DYNC2H1: variants seen among roughly 807,000 people sequenced by gnomAD.
The protein encoded by DYNC2H1 is dynein cytoplasmic 2 heavy chain 1.
Under a neutral mutation model 570.0 loss-of-function variants are expected in DYNC2H1, and 410 were observed. The observed-to-expected ratio is 0.72, with a 90% CI of 0.66 to 0.78. The LOEUF (loss-of-function observed/expected upper bound fraction) is 0.78, where lower values mean the gene tolerates loss of function less well. DYNC2H1 is among the 30% of genes least tolerant of loss of function. The pLI, the probability that DYNC2H1 is intolerant of heterozygous loss-of-function variation, is 0.00. For synonymous variants in DYNC2H1, 1,688 were observed against 1,677.6 expected (o/e 1.01, Z -0.15); for missense variants, 4,865 against 5,046.4 (o/e 0.96, Z 1.09).
At chr11:103,167,784 A>G (rs1033342866) in intron 31 of DYNC2H1, among the ~76,000 whole-genome samples, 2 of 152,134 alleles carry the variant, frequency 1.3e-5, no homozygotes, top group African/African-American at 4.8e-5. Context: ...TTGTTTTAGT[A>G]ACTGATCCTG....
chr11:103,125,119 A>G lies in DYNC2H1; in HGVS notation c.1681A>G (p.Ile561Val), dbSNP rs1489786604. 5.6e-6 allele frequency: 9 copies of G among 1,612,976 alleles called. No homozygotes were observed. Among genetic ancestry groups the G allele is most frequent in the Non-Finnish European group, 7.6e-6 (9 of 1,179,446 alleles). The change falls in exon 12 of 89, where the codon ATT (isoleucine) becomes GTT (valine). Residue 561 changes from isoleucine (I) to valine (V), a missense_variant. By Grantham distance (29) the Ile-to-Val change is conservative. Coordinates refer to ENST00000375735, the MANE Select transcript of DYNC2H1 (RefSeq NM_001377.3). ...SGLCIEASSR[I>V]MELDSNDGLL... The stretch of plus-strand genomic sequence containing the variant: ...TTATAGTATTGAGGCTAGTAGTCGA[A>G]TTATGGAATTGGATTCTAATGATGG...
rs144202990 is a variant in DYNC2H1 at position 103,244,788 on chromosome 11, ATATC to A, written c.9919-459_9919-456del. ...TTACAGTTATATACATATAAGTACT[ATATC>A]TATATATAGTCATAGTTATAGACAT... On this transcript the variant is annotated intron_variant, in intron 64 of 88. Transcript: ENST00000375735. This position sits in a 1 kb window ranked among gnomAD's most constrained non-coding sequence, Gnocchi z 4.3. Among the ~76,000 whole-genome samples, 3,398 of 149,262 alleles carry A rather than the reference ATATC, an allele frequency of 0.023. 113 individuals are homozygous for A. The highest frequency in any genetic ancestry group is 0.077 in the African/African-American group (3,151 of 40,938).
chr11:103,386,498 C>CT (rs528792784), intron 83 of DYNC2H1, among the ~76,000 whole-genome samples: 274 of 151,584 alleles, frequency 1.8e-3, no homozygotes, highest in African/African-American at 6.2e-3. Context: ...TATTGGCTTT[C>CT]TTTTTTTTAT....
chr11:103,463,017 G>T (rs61904818), intron 87 of DYNC2H1, among the ~76,000 whole-genome samples: 24,823 of 152,104 alleles, frequency 0.16, 2,189 homozygotes, highest in Admixed American at 0.25. Flanking sequence ...ATGGTGATTC[G>T]TTCTCAAAAA....
intron 13 of DYNC2H1, among the ~76,000 whole-genome samples, chr11:103,132,516 A>G (rs1456118623): frequency 6.6e-6 from 1 of 151,590 alleles, no homozygotes; most frequent in East Asian, 1.9e-4. Context: ...TCAAGTTGTG[A>G]TTTTTTTTAG....
chr11:103,380,792 G>A (rs2135578056), intron 83 of DYNC2H1, among the ~76,000 whole-genome samples: 1 of 152,198 alleles, frequency 6.6e-6, no homozygotes, highest in South Asian at 2.1e-4. Flanking sequence ...AAACTCCTGA[G>A]CTCAGGCGAT....
intron 50 of DYNC2H1, among the ~76,000 whole-genome samples, chr11:103,202,642 C>A (rs115606429): frequency 6.6e-6 from 1 of 151,876 alleles, no homozygotes; most frequent in East Asian, 1.9e-4. Flanking sequence ...TGGTCTGGTG[C>A]CTCTTAGTTG....
Position 103,319,485 on chromosome 11 carries a change from G to A in DYNC2H1, c.11726-1544G>A, listed in dbSNP as rs1309101967. On this transcript the variant is annotated intron_variant, in intron 80 of 88. Transcript: ENST00000375735. The surrounding 1 kb of genome is among the most constrained non-coding windows in gnomAD (Gnocchi z 4.3). ...TAGTAGACACTATCTCAGTTTATTC[G>A]AATATCCAGAAGTTTAAATTACAAA... Among the ~76,000 whole-genome samples, 11 of 151,950 alleles carry A rather than the reference G, an allele frequency of 7.2e-5. No individual in the cohort carries two copies. The highest frequency in any genetic ancestry group is 1.9e-4 in the African/African-American group (8 of 41,372).
chr11:103,283,205 C>G (rs1201722922), intron 73 of DYNC2H1, 120 bp downstream of exon 73: 13 of 668,946 alleles, frequency 1.9e-5, no homozygotes, highest in Non-Finnish European at 2.8e-5. Context: ...TGTAAGTTCC[C>G]CCAGTAAAAA....
intron 84 of DYNC2H1, chr11:103,407,087 C>G (rs7935069): frequency 0.67 from 101,047 of 151,214 alleles, 35,514 homozygotes; most frequent in African/African-American, 0.91. Context: ...TCTCCAGGGC[C>G]GGGATTTATT....
chr11:103,316,495 A>T, intron 79 of DYNC2H1, 50 bp from the exon 80 acceptor site: 1 of 1,281,330 alleles, frequency 7.8e-7, no homozygotes, highest in Non-Finnish European at 1.1e-6. Flanking sequence ...ATACATATAT[A>T]TCTTTGACTA....
rs2134944386 is a variant in DYNC2H1 at position 103,165,955 on chromosome 11, G to A, written c.4669G>A (p.Asp1557Asn). The change falls in exon 31 of 89, where the codon GAT becomes AAT. Residue 1557 changes from aspartate to asparagine, a missense_variant. By Grantham distance (23) the Asp-to-Asn change is conservative. Transcript: ENST00000375735. ...FTEDVENAIK[D>N]HSLHQIETQL... The stretch of plus-strand genomic sequence containing the variant: ...TGAAGATGTAGAAAATGCTATTAAA[G>A]ATCATAGTCTTCATCAGATTGAAAC... The A allele has an allele frequency of 6.6e-7, 1 of 1,515,540 alleles. No homozygotes were observed. The highest frequency in any genetic ancestry group is 2.1e-5 in the Admixed American group (1 of 46,910). The allele number at this position is 1,515,540 out of a possible 1,614,324, so 93.9% of individuals were successfully genotyped here.
intron 1 of DYNC2H1, 59 bp from the exon 2 acceptor site, chr11:103,113,478 C>G: frequency 7.4e-7 from 1 of 1,352,022 alleles, no homozygotes; most frequent in Non-Finnish European, 9.8e-7. Flanking sequence ...ACTTTGTCTA[C>G]ATTTTTTTCA....
intron 78 of DYNC2H1, among the ~76,000 whole-genome samples, chr11:103,308,407 A>C (rs1867404121): frequency 6.6e-6 from 1 of 152,194 alleles, no homozygotes; most frequent in South Asian, 2.1e-4. Flanking sequence ...TTAATCCATC[A>C]GTGGACATTT....
At chr11:103,389,964 G>T (rs1310914484) in intron 83 of DYNC2H1, among the ~76,000 whole-genome samples, 1 of 152,214 alleles carries the variant, frequency 6.6e-6, no homozygotes, top group Non-Finnish European at 1.5e-5. Flanking sequence ...TGAGAAGAAT[G>T]TATATTCTGT....
intron 59 of DYNC2H1, among the ~76,000 whole-genome samples, chr11:103,225,655 C>T (rs1343653301): frequency 6.6e-6 from 1 of 152,042 alleles, no homozygotes; most frequent in Admixed American, 6.6e-5. Flanking sequence ...GTGACTGTGG[C>T]CTTATAGTAT....
chr11:103,140,224 A>G (rs889333141), intron 17 of DYNC2H1, among the ~76,000 whole-genome samples: 6 of 152,216 alleles, frequency 3.9e-5, no homozygotes, highest in African/African-American at 1.4e-4. Context: ...TAAAGTTAAT[A>G]TTGTTATGTG....
At chr11:103,312,398 AAAAAG>A (rs1867634587) in intron 79 of DYNC2H1, among the ~76,000 whole-genome samples, 1 of 150,224 alleles carries the variant, frequency 6.7e-6, no homozygotes, top group African/African-American at 2.4e-5. Context: ...AAAAAAAAAA[AAAAAG>A]TAGTGGCACA....
intron 82 of DYNC2H1, among the ~76,000 whole-genome samples, chr11:103,343,909 T>G (rs1286000529): frequency 6.6e-6 from 1 of 152,180 alleles, no homozygotes. Context: ...TTATTGCATA[T>G]CTTATTTAAG....
Sources: gnomAD v4.1 joint callset for allele counts (sites outside exome capture counted in the v4.1 genomes callset) on GRCh38, gnomAD v4.1.1 for gene constraint, Gnocchi (gnomAD v3.1) non-coding constraint, MANE v1.5 for transcripts, NCBI Gene and HGNC (gene_info 2026-07-23, HGNC 2026-07-21) for gene names.